TSHZ3: variants seen among roughly 807,000 people sequenced by gnomAD.
TSHZ3 encodes teashirt homolog 3.
A neutral mutation model predicts 64.5 loss-of-function variants in TSHZ3; 10 were observed. That is an observed-to-expected ratio of 0.16 (90% CI 0.10 to 0.26). The LOEUF (loss-of-function observed/expected upper bound fraction) is 0.26, where lower values mean the gene tolerates loss of function less well. Ranked by LOEUF, TSHZ3 falls within the 10% of genes least tolerant of loss-of-function variation. The pLI, the probability that TSHZ3 is intolerant of heterozygous loss-of-function variation, is 1.00. For synonymous variants in TSHZ3, 608 were observed against 593.1 expected, an observed-to-expected ratio of 1.03 and a Z score of -0.36; for missense variants, 1,242 against 1,421.7, an observed-to-expected ratio of 0.87 and a Z score of 2.03.
intron 1 of TSHZ3, among the ~76,000 whole-genome samples, chr19:31,312,845 G>A (rs1220654887): frequency 6.6e-6 from 1 of 152,122 alleles, no homozygotes; most frequent in African/African-American, 2.4e-5. Flanking sequence ...TTAAAGAAGA[G>A]AGATAAGGCA....
chr19:31,193,756 A>G (rs1974946832), intron 5 of TSHZ3, among the ~76,000 whole-genome samples: 1 of 152,054 alleles, frequency 6.6e-6, no homozygotes, highest in African/African-American at 2.4e-5. Context: ...GAAATGCATT[A>G]TTTTCTTTGG....
At chr19:31,203,754 C>T (rs1975121451) in intron 5 of TSHZ3, among the ~76,000 whole-genome samples, 1 of 152,206 alleles carries the variant, frequency 6.6e-6, no homozygotes, top group Admixed American at 6.5e-5. Flanking sequence ...TTCCTTCCTT[C>T]TGCCCTTCCT....
Position 31,277,101 on chromosome 19 carries a change from A to G in TSHZ3, c.2692T>C (p.Trp898Arg). 6.2e-7 allele frequency: 1 copy of G among 1,604,114 alleles called. No individual in the cohort carries two copies. Among genetic ancestry groups the G allele is most frequent in the Non-Finnish European group, 8.5e-7 (1 of 1,174,246 alleles). ...AGGATCAGGAGGTGCTGGGGGTTCC[A>G]GTTTGACTGGCGGCCCTTCCTCTTC... is the stretch of plus-strand genomic sequence containing the variant. The part of the protein sequence containing the change: ...AQKRKGRQSN[W>R]NPQHLLILQA... The change falls in exon 2 of 2, where the codon TGG becomes CGG. Residue 898 changes from tryptophan to arginine, a missense_variant. Physicochemically the swap from Trp to Arg is moderately radical, Grantham distance 101. Around this residue, in one of 4 missense-constraint regions of TSHZ3, gnomAD observed 550 missense variants for 545.1 expected, o/e 1.01. Coordinates refer to ENST00000240587, the MANE Select transcript of TSHZ3 (RefSeq NM_020856.4). This position sits in a 1 kb window ranked among gnomAD's most constrained non-coding sequence, Gnocchi z 4.5.
intron 5 of TSHZ3, among the ~76,000 whole-genome samples, chr19:31,179,737 G>GTGGTGGTGGTGATGGTGGTGGTGA (rs759241123): frequency 1.5e-4 from 23 of 150,162 alleles, no homozygotes; most frequent in Admixed American, 1.5e-3. Flanking sequence ...GTAGGTGGTG[G>GTGGTGGTGGTGATGGTGGTGGTGA]TGGTGGTGGT....
intron 1 of TSHZ3, among the ~76,000 whole-genome samples, chr19:31,243,237 A>AT (rs928971593): frequency 1.3e-5 from 2 of 152,154 alleles, no homozygotes; most frequent in South Asian, 2.1e-4. Context: ...TCATTGATGG[A>AT]TTTTTTTTCT....
At position 31,166,425 on chromosome 19, in the gene TSHZ3, T is replaced by G. The variant is rs962463937; in HGVS notation, n.810-10008A>C. On this transcript the variant is annotated intron_variant and non_coding_transcript_variant, in intron 5 of 6. Coordinates refer to the TSHZ3 transcript ENST00000651361. ...GGGACTTCGAGGGAGAGGGAACAGG[T>G]GGCATCAGCACTGTGCCTATCCTCT... Among the ~76,000 whole-genome samples the G allele has an allele frequency of 3.5e-4, 54 of 152,244 alleles. 1 individual carries two copies. The highest frequency in any genetic ancestry group is 1.3e-3 in the African/African-American group (53 of 41,554).
intron 1 of TSHZ3, among the ~76,000 whole-genome samples, chr19:31,265,991 G>T (rs1327542877): frequency 6.6e-6 from 1 of 152,154 alleles, no homozygotes; most frequent in Non-Finnish European, 1.5e-5. Flanking sequence ...GCAAATTCCT[G>T]CTGACAGCAT....
At chr19:31,180,730 G>C (rs1208980081) in intron 5 of TSHZ3, among the ~76,000 whole-genome samples, 3 of 152,206 alleles carry the variant, frequency 2.0e-5, no homozygotes, top group South Asian at 4.1e-4. Context: ...GCGAGATGCT[G>C]AATGTGAGAG....
intron 1 of TSHZ3, among the ~76,000 whole-genome samples, chr19:31,309,528 G>A (rs1376500972): frequency 1.3e-5 from 2 of 152,292 alleles, no homozygotes; most frequent in East Asian, 1.9e-4. Context: ...ACACATTCTC[G>A]GCATTGGGAA....
intron 4 of TSHZ3, among the ~76,000 whole-genome samples, chr19:31,211,984 C>T (rs759513053): frequency 5.9e-5 from 9 of 151,990 alleles, no homozygotes; most frequent in African/African-American, 1.2e-4. Flanking sequence ...TAGATTGAGG[C>T]TTTTAAGCCT....
At chr19:31,199,318 C>T (rs1359845719) in intron 5 of TSHZ3, among the ~76,000 whole-genome samples, 1 of 148,520 alleles carries the variant, frequency 6.7e-6, no homozygotes, top group East Asian at 2.0e-4. Flanking sequence ...GCAGGAGAAT[C>T]GCTTGAACCT....
intron 5 of TSHZ3, among the ~76,000 whole-genome samples, chr19:31,186,402 C>G (rs1192388475): frequency 6.6e-6 from 1 of 152,168 alleles, no homozygotes; most frequent in Non-Finnish European, 1.5e-5. Context: ...CTCACAAGAT[C>G]TGAATGGTTT....
At chr19:31,154,678 C>A (rs1200361858) in intron 6 of TSHZ3, among the ~76,000 whole-genome samples, 3 of 152,212 alleles carry the variant, frequency 2.0e-5, no homozygotes, top group African/African-American at 7.2e-5. Context: ...ACAGGAGAGA[C>A]CAGACTCCTA....
intron 1 of TSHZ3, among the ~76,000 whole-genome samples, chr19:31,256,942 T>C (rs1031355209): frequency 6.6e-6 from 1 of 151,942 alleles, no homozygotes; most frequent in Non-Finnish European, 1.5e-5. Flanking sequence ...GCCGCCATGG[T>C]GGGTGTGCAG....
At chr19:31,349,036 C>T in intron 1 of TSHZ3, 144 bp downstream of exon 1, 2 of 1,016,998 alleles carry the variant, frequency 2.0e-6, no homozygotes, top group South Asian at 3.8e-5. Flanking sequence ...GGCGGGCGCA[C>T]GCACCCAAAC....
At chr19:31,247,398 C>A (rs1220632296) in intron 1 of TSHZ3, among the ~76,000 whole-genome samples, 1 of 152,198 alleles carries the variant, frequency 6.6e-6, no homozygotes, top group East Asian at 1.9e-4. Context: ...ACCAAGGCAC[C>A]ATTTTGGTGG....
At chr19:31,233,093 G>A (rs1172918714) in intron 3 of TSHZ3, among the ~76,000 whole-genome samples, 1 of 152,186 alleles carries the variant, frequency 6.6e-6, no homozygotes, top group Non-Finnish European at 1.5e-5. Flanking sequence ...GAGGAATGGA[G>A]TTGCTGAGTC....
chr19:31,227,239 C>T (rs112684580), intron 4 of TSHZ3, among the ~76,000 whole-genome samples: 9,789 of 151,982 alleles, frequency 0.064, 428 homozygotes, highest in Non-Finnish European at 0.1. Context: ...CTCAGCCTCC[C>T]AGAGTGCTGG....
chr19:31,335,015 G>C (rs1025588452), intron 1 of TSHZ3, among the ~76,000 whole-genome samples: 2 of 152,134 alleles, frequency 1.3e-5, no homozygotes, highest in Non-Finnish European at 2.9e-5. Flanking sequence ...ACAAGATCCT[G>C]ACCAGGGCTC....
Sources: gnomAD v4.1 joint callset for allele counts (sites outside exome capture counted in the v4.1 genomes callset) on GRCh38, gnomAD v4.1.1 for gene constraint, gnomAD v4.1.1 regional missense constraint, Gnocchi (gnomAD v3.1) non-coding constraint, MANE v1.5 for transcripts, NCBI Gene and HGNC (gene_info 2026-07-23, HGNC 2026-07-21) for gene names.